FUT7: variants seen among roughly 807,000 people sequenced by gnomAD.
The protein encoded by FUT7 is fucosyltransferase 7.
In FUT7, 2 loss-of-function variants were observed where a neutral mutation model predicts 5.0. The ratio of observed to expected loss-of-function variants is 0.40; its 90% CI spans 0.16 to 1.26. The LOEUF (loss-of-function observed/expected upper bound fraction) is 1.26. Among genes scored for constraint, FUT7 ranks in the 50% most tolerant of loss-of-function variants. The pLI is 0.32. For synonymous variants in FUT7, 218 were observed against 210.6 expected, an observed-to-expected ratio of 1.03 and a Z score of -0.30; for missense variants, 461 against 489.8, an observed-to-expected ratio of 0.94 and a Z score of 0.55.
chr9:137,032,072 C>T lies in FUT7; in HGVS notation c.-81G>A. Reference sequence around the variant, plus strand: ...GCCGCCAGAGGTGCCCCTGAAATCACAGCTACGCCCTAGCTCAGCCCCGCC... The same window carrying T: ...GCCGCCAGAGGTGCCCCTGAAATCATAGCTACGCCCTAGCTCAGCCCCGCC... On this transcript the variant is annotated 5_prime_UTR_variant, in exon 1 of 2. The change creates a new upstream start codon in the 5' untranslated region. Coordinates refer to ENST00000314412, the MANE Select transcript of FUT7 (RefSeq NM_004479.4). 6.9e-7 allele frequency: 1 copy of T among 1,444,074 alleles called. No individual in the cohort carries two copies. 89.5% of individuals were successfully genotyped at this position (1,444,074 alleles called of 1,614,324 possible).
At position 137,030,915 on chromosome 9, in the gene FUT7, T is replaced by A; in HGVS notation, c.824A>T (p.Asp275Val). The change falls in exon 2 of 2, where the codon GAT (aspartate) becomes GTT (valine). Residue 275 changes from aspartate to valine, a missense_variant. By Grantham distance (152) the Asp-to-Val change is radical. Coordinates refer to ENST00000314412, the MANE Select transcript of FUT7 (RefSeq NM_004479.4). Reference sequence around the variant, plus strand: ...CAGCTCTCGGGCTGAGCCAAAGTCATCCACATGCACGAAGGCGTCAGCCGG... The same window carrying A: ...CAGCTCTCGGGCTGAGCCAAAGTCAACCACATGCACGAAGGCGTCAGCCGG... ...FVPADAFVHV[D>V]DFGSARELAA... The A allele has an allele frequency of 6.2e-7, 1 of 1,612,750 alleles. No homozygotes were observed. Among genetic ancestry groups the A allele is most frequent in the East Asian group, 2.2e-5 (1 of 44,880 alleles).
chr9:137,031,265 G>A lies in FUT7; in HGVS notation c.474C>T (p.Pro158=). The A allele has an allele frequency of 6.2e-7, 1 of 1,608,042 alleles. No individual in the cohort carries two copies. The highest frequency in any genetic ancestry group is 8.5e-7 in the Non-Finnish European group (1 of 1,178,676). The change falls in exon 2 of 2, where the codon CCC becomes CCT. Residue 158 remains proline, a synonymous_variant. Coordinates refer to ENST00000314412, the MANE Select transcript of FUT7 (RefSeq NM_004479.4). Reference sequence around the variant, plus strand: ...GCAGCGGTGGCGAGGGCCCCCAGTGGGGCTCCAGGCGGCCATAGGGCACAA... The same window carrying A: ...GCAGCGGTGGCGAGGGCCCCCAGTGAGGCTCCAGGCGGCCATAGGGCACAA... ...DIFVPYGRLE[P]HWGPSPPLPA...
Position 137,031,963 on chromosome 9 carries a change from AG to A in FUT7, c.13+15del. 6.2e-7 allele frequency: 1 copy of A among 1,612,276 alleles called. No individual in the cohort carries two copies. On this transcript the variant is annotated intron_variant, in intron 1 of 1. Transcript: ENST00000314412. The stretch of plus-strand genomic sequence containing the variant: ...GCTGTCCCCAGCTTGGGCCTCCCCG[AG>A]GGCCAGACACTCACCAGCATTATTC...
chr9:137,031,437 C>T lies in FUT7; in HGVS notation c.302G>A (p.Arg101Gln), dbSNP rs367827145. ...VVFHHRELQT[R>Q]RSHLPLAQRP... ...CTGGGCCAGGGGCAGGTGGGACCGCCGGGTCTGCAGCTCGCGGTGGTGGAA... is the reference window on the plus strand; with the variant it reads ...CTGGGCCAGGGGCAGGTGGGACCGCTGGGTCTGCAGCTCGCGGTGGTGGAA... Residue 101 changes from arginine to glutamine, a missense_variant, in exon 2 of 2, where the codon CGG (arginine) becomes CAG (glutamine). Coordinates refer to ENST00000314412, the MANE Select transcript of FUT7 (RefSeq NM_004479.4). The T allele has an allele frequency of 2.5e-5, 39 of 1,555,476 alleles. No individual in the cohort carries two copies. The highest frequency in any genetic ancestry group is 1.9e-4 in the African/African-American group (14 of 73,496).
chr9:137,031,467 A>ACGG lies in FUT7; in HGVS notation c.269_271dup (p.Ala90dup), dbSNP rs1453718808. On this transcript the variant is annotated inframe_insertion, in exon 2 of 2. Transcript: ENST00000314412. ...CTGCAGCTCGCGGTGGTGGAAGACC[A>ACGG]CGGCGTCGGCGCTGGCCAGCAGGCT... is the stretch of plus-strand genomic sequence containing the variant. 6.4e-7 allele frequency: 1 copy of ACGG among 1,553,282 alleles called. No individual in the cohort carries two copies. The highest frequency in any genetic ancestry group is 8.7e-7 in the Non-Finnish European group (1 of 1,149,066).
rs1488887738 is a variant in FUT7, at chr9:137,031,525, C to T, written c.214G>A (p.Gly72Ser). ...GCACTCAGGTGGCAGCGGGCGATGC[C>T]GTAGCGGGTGCAGGTGTCGCTGGGC... is the stretch of plus-strand genomic sequence containing the variant. ...ELPSDTCTRYGIARCHLSANR... is the reference protein window; with the variant it reads ...ELPSDTCTRYSIARCHLSANR... The change falls in exon 2 of 2, where the codon GGC becomes AGC. Residue 72 changes from glycine (G) to serine (S), a missense_variant. Transcript: ENST00000314412. 18 of 1,557,886 alleles carry T rather than the reference C, an allele frequency of 1.2e-5. No individual in the cohort carries two copies. In the East Asian group the frequency reaches 1.4e-4, roughly 12 times the overall value.
At position 137,030,500 on chromosome 9, in the gene FUT7, C is replaced by T. The variant is rs1424556782; in HGVS notation, c.*210G>A. 3 of 635,368 alleles carry T rather than the reference C, an allele frequency of 4.7e-6. No homozygotes were observed. The highest frequency in any genetic ancestry group is 2.6e-5 in the Admixed American group (1 of 38,384). The allele number at this position is 635,368 out of a possible 1,614,324, so 39.4% of individuals were successfully genotyped here. A position where few individuals can be genotyped will look rare whatever the true frequency, so the allele number is the denominator to read the frequency against. ...GGGTCCTCGGCAGCCTTTCCCCTCC[C>T]GTCTGCCGCAGCAGGCACCCGTTAC... On this transcript the variant is annotated 3_prime_UTR_variant, in exon 2 of 2. Coordinates refer to ENST00000314412, the MANE Select transcript of FUT7 (RefSeq NM_004479.4).
Position 137,031,994 on chromosome 9 carries a change from A to G in FUT7, c.-3T>C. On this transcript the variant is annotated 5_prime_UTR_variant, in exon 1 of 2. Transcript: ENST00000314412. ...AGACACTCACCAGCATTATTCATCC[A>G]CAGTCTCCCAGGATCAGTCAGCCAA... The G allele has an allele frequency of 6.2e-7, 1 of 1,612,654 alleles. No individual in the cohort carries two copies. Among genetic ancestry groups the G allele is most frequent in the Non-Finnish European group, 8.5e-7 (1 of 1,179,876 alleles).
Position 137,030,913 on chromosome 9 carries a change from C to T in FUT7, c.826G>A (p.Asp276Asn). The T allele has an allele frequency of 1.2e-6, 2 of 1,612,824 alleles. No homozygotes were observed. The highest frequency in any genetic ancestry group is 1.1e-5 in the South Asian group (1 of 91,084). The change falls in exon 2 of 2, where the codon GAC becomes AAC. Residue 276 changes from aspartate (D) to asparagine (N), a missense_variant. Transcript: ENST00000314412. The part of the protein sequence containing the change: ...VPADAFVHVD[D>N]FGSARELAAF... ...GCCAGCTCTCGGGCTGAGCCAAAGT[C>T]ATCCACATGCACGAAGGCGTCAGCC...
rs1365977551 is a variant in FUT7, at chr9:137,030,298, G to T, written c.*412C>A. ...CAGGGACCTCAGAACTATGGACGTG[G>T]CAGGGACCCGTGCCTGTGTCTCGGG... is the stretch of plus-strand genomic sequence containing the variant. On this transcript the variant is annotated 3_prime_UTR_variant, in exon 2 of 2. Coordinates refer to ENST00000314412, the MANE Select transcript of FUT7 (RefSeq NM_004479.4). 3 of 277,890 alleles carry T rather than the reference G, an allele frequency of 1.1e-5. No individual in the cohort carries two copies. Among genetic ancestry groups the T allele is most frequent in the South Asian group, 3.8e-5 (1 of 26,624 alleles). 17.2% of individuals were successfully genotyped at this position (277,890 alleles called of 1,614,324 possible).
rs754903353 is a variant in FUT7 at position 137,031,182 on chromosome 9, C to G, written c.557G>C (p.Arg186Pro). ...CGCCAGCTGCCGGTACAGCCTGGCACGCAGCTGCCGCTCCTGGAAGTTGCT... is the reference window on the plus strand; with the variant it reads ...CGCCAGCTGCCGGTACAGCCTGGCAGGCAGCTGCCGCTCCTGGAAGTTGCT... ...VVSNFQERQL[R>P]ARLYRQLAPH... The change falls in exon 2 of 2, where the codon CGT becomes CCT. Residue 186 changes from arginine (R) to proline (P), a missense_variant. Arg to Pro is a moderately radical substitution (Grantham distance 103). Coordinates refer to ENST00000314412, the MANE Select transcript of FUT7 (RefSeq NM_004479.4). 1 of 1,608,548 alleles carries G rather than the reference C, an allele frequency of 6.2e-7. No homozygotes were observed. The highest frequency in any genetic ancestry group is 1.1e-5 in the South Asian group (1 of 91,022).
chr9:137,030,304 A>G lies in FUT7; in HGVS notation c.*406T>C, dbSNP rs1423791450. On this transcript the variant is annotated 3_prime_UTR_variant, in exon 2 of 2. Transcript: ENST00000314412. ...CCTCAGAACTATGGACGTGGCAGGGACCCGTGCCTGTGTCTCGGGGACCAC... is the reference window on the plus strand; with the variant it reads ...CCTCAGAACTATGGACGTGGCAGGGGCCCGTGCCTGTGTCTCGGGGACCAC... 7.1e-6 allele frequency: 2 copies of G among 280,500 alleles called. No individual in the cohort carries two copies. Among genetic ancestry groups the G allele is most frequent in the Non-Finnish European group, 1.4e-5 (2 of 142,152 alleles). The allele number at this position is 280,500 out of a possible 1,614,324, so 17.4% of individuals were successfully genotyped here.
rs916642484 is a variant in FUT7 at position 137,030,631 on chromosome 9, G to C, written c.*79C>G. On this transcript the variant is annotated 3_prime_UTR_variant, in exon 2 of 2. Coordinates refer to ENST00000314412, the MANE Select transcript of FUT7 (RefSeq NM_004479.4). ...GCCTCCCGTTAGCCCGCTGCTTGCC[G>C]GTAAGGGCCGGATGCCTGGTGGTTT... 1 of 1,546,488 alleles carries C rather than the reference G, an allele frequency of 6.5e-7. No individual in the cohort carries two copies. The highest frequency in any genetic ancestry group is 1.4e-5 in the African/African-American group (1 of 73,274).
In FUT7 at chr9:137,031,621, T is replaced by G. The variant is rs376675604; in HGVS notation, c.118A>C (p.Thr40Pro). The G allele has an allele frequency of 9.7e-5, 152 of 1,559,364 alleles. No individual in the cohort carries two copies. In the African/African-American group the frequency reaches 2.0e-3, roughly 20 times the overall value. ...GTGATCGTGGGCTGGGGTGCCGGGG[T>G]ACCCCGAGGGGCTGACCCCAGCAGC... ...LWLLGSAPRG[T>P]PAPQPTITIL... Residue 40 changes from threonine to proline, a missense_variant, in exon 2 of 2, where the codon ACC becomes CCC. Transcript: ENST00000314412.
At position 137,031,203 on chromosome 9, in the gene FUT7, TTGC is replaced by T; in HGVS notation, c.533_535del (p.Ser178del). On this transcript the variant is annotated inframe_deletion, in exon 2 of 2. Transcript: ENST00000314412. The stretch of plus-strand genomic sequence containing the variant: ...GGCACGCAGCTGCCGCTCCTGGAAG[TTGC>T]TGACCACCCAGGCGGCCACCCTGCT... 6.2e-7 allele frequency: 1 copy of T among 1,609,852 alleles called. No homozygotes were observed. Among genetic ancestry groups the T allele is most frequent in the Non-Finnish European group, 8.5e-7 (1 of 1,178,542 alleles).
Position 137,031,397 on chromosome 9 carries a change from C to A in FUT7, c.342G>T (p.Gln114His). The A allele has an allele frequency of 6.4e-7, 1 of 1,569,752 alleles. No homozygotes were observed. The highest frequency in any genetic ancestry group is 1.9e-5 in the Admixed American group (1 of 53,342). ...HLPLAQRPRG[Q>H]PWVWASMESP... ...ACTCCATGGAGGCCCACACCCAGGG[C>A]TGCCCTCGCGGCCGCTGGGCCAGGG... The change falls in exon 2 of 2, where the codon CAG (glutamine) becomes CAT (histidine). Residue 114 changes from glutamine (Q) to histidine (H), a missense_variant. Transcript: ENST00000314412.
chr9:137,031,257 C>T lies in FUT7; in HGVS notation c.482G>A (p.Gly161Glu). 6.2e-7 allele frequency: 1 copy of T among 1,608,452 alleles called. No individual in the cohort carries two copies. The highest frequency in any genetic ancestry group is 1.1e-5 in the South Asian group (1 of 90,968). The change falls in exon 2 of 2, where the codon GGG becomes GAG. Residue 161 changes from glycine (G) to glutamate (E), a missense_variant. Coordinates refer to ENST00000314412, the MANE Select transcript of FUT7 (RefSeq NM_004479.4). ...VPYGRLEPHW[G>E]PSPPLPAKSR... ...CTTGGCTGGCAGCGGTGGCGAGGGC[C>T]CCCAGTGGGGCTCCAGGCGGCCATA...
Position 137,030,963 on chromosome 9 carries a change from C to T in FUT7, c.776G>A (p.Arg259Gln), listed in dbSNP as rs557598251. The change falls in exon 2 of 2, where the codon CGG becomes CAG. Residue 259 changes from arginine (R) to glutamine (Q), a missense_variant. Physicochemically the swap from Arg to Gln is conservative, Grantham distance 43. Coordinates refer to ENST00000314412, the MANE Select transcript of FUT7 (RefSeq NM_004479.4). The stretch of plus-strand genomic sequence containing the variant: ...CGGCACGAAGGCCTCATAGGTGGCC[C>T]GTGGGGGCCCCAGCACCACTGGCAC... ...GTVPVVLGPP[R>Q]ATYEAFVPAD... 43 of 1,612,846 alleles carry T rather than the reference C, an allele frequency of 2.7e-5. No homozygotes were observed. Among genetic ancestry groups the T allele is most frequent in the South Asian group, 5.5e-5 (5 of 91,088 alleles).
In FUT7 at chr9:137,030,705, G is replaced by A. The variant is rs201567093; in HGVS notation, c.*5C>T. 47 of 1,612,578 alleles carry A rather than the reference G, an allele frequency of 2.9e-5. No homozygotes were observed. The highest frequency in any genetic ancestry group is 3.8e-5 in the Non-Finnish European group (45 of 1,179,870). On this transcript the variant is annotated 3_prime_UTR_variant, in exon 2 of 2. Transcript: ENST00000314412. The stretch of plus-strand genomic sequence containing the variant: ...CCCACACCCACCTCCCCCGGCCAGC[G>A]GATCTCAGGCCTGAAACCAACCCTC...
Sources: gnomAD v4.1 joint callset for allele counts on GRCh38, gnomAD v4.1.1 for gene constraint, MANE v1.5 for transcripts, NCBI Gene and HGNC (gene_info 2026-07-23, HGNC 2026-07-21) for gene names.